The following FBXL13 variants were observed in gnomAD, a reference collection of about 807,000 sequenced individuals.
FBXL13 encodes the protein F-box and leucine-rich repeat protein 13.
FBXL13 carries 67 observed loss-of-function variants against 83.6 expected under a neutral mutation model. The observed-to-expected ratio is 0.80, with a 90% CI of 0.66 to 0.98. The LOEUF (loss-of-function observed/expected upper bound fraction) is 0.98. Ranked by LOEUF, FBXL13 falls within the 50% of genes least tolerant of loss-of-function variation. The probability of loss-of-function intolerance (pLI) is 0.00; values close to 1 mark genes in which losing one functional copy is unlikely to be tolerated. For missense variants in FBXL13, 822 were observed against 866.5 expected, an observed-to-expected ratio of 0.95 and a Z score of 0.64; for synonymous variants, 272 against 299.5, an observed-to-expected ratio of 0.91 and a Z score of 0.95.
intron 1 of FBXL13, among the ~76,000 whole-genome samples, chr7:103,061,772 A>C (rs1440951555): frequency 6.6e-6 from 1 of 152,048 alleles, no homozygotes; most frequent in Non-Finnish European, 1.5e-5. Context: ...CCCCGTCTCT[A>C]CTAAAAATAC....
At chr7:102,971,693 T>C (rs1420062332) in intron 6 of FBXL13, among the ~76,000 whole-genome samples, 2 of 151,524 alleles carry the variant, frequency 1.3e-5, no homozygotes, top group Admixed American at 6.6e-5. Flanking sequence ...AGCCCAAGAA[T>C]TGAAGGCCAG....
chr7:102,941,736 T>C (rs895403520), intron 8 of FBXL13, among the ~76,000 whole-genome samples: 9 of 150,378 alleles, frequency 6.0e-5, no homozygotes, highest in Non-Finnish European at 1.0e-4. Context: ...AAACAAGTTT[T>C]AAAGCTGTCT....
chr7:103,060,570 G>C (rs1797806957), intron 1 of FBXL13, among the ~76,000 whole-genome samples: 1 of 152,098 alleles, frequency 6.6e-6, no homozygotes, highest in Non-Finnish European at 1.5e-5. Flanking sequence ...GGAGAGAACT[G>C]AATAGACCAA....
chr7:103,070,742 G>A (rs1441402968), intron 1 of FBXL13, among the ~76,000 whole-genome samples: 1 of 152,174 alleles, frequency 6.6e-6, no homozygotes. Context: ...GGAAGAGAAG[G>A]AGTAAGAGAA....
intron 18 of FBXL13, among the ~76,000 whole-genome samples, chr7:102,830,880 G>A (rs916875281): frequency 5.3e-5 from 8 of 152,178 alleles, no homozygotes; most frequent in African/African-American, 1.7e-4. Context: ...AGTTTTTCCT[G>A]TTAATTTGTG....
At chr7:102,966,528 T>C (rs1035926181) in intron 7 of FBXL13, among the ~76,000 whole-genome samples, 5 of 152,160 alleles carry the variant, frequency 3.3e-5, no homozygotes, top group African/African-American at 1.2e-4. Context: ...ATTTAGATAA[T>C]GAAATGTCTT....
chr7:102,976,022 G>A (rs2228687), intron 6 of FBXL13: 627,734 of 766,236 alleles, frequency 0.82, 258,950 homozygotes, highest in South Asian at 0.88. Context: ...GTAAACCCAC[G>A]AGGCCATGCC....
chr7:102,958,529 TATAATAATAATAATA>T lies in FBXL13; in HGVS notation c.724+4989_724+5003del, dbSNP rs144163542. 1.1e-3 allele frequency among the ~76,000 whole-genome samples: 165 copies of T among 144,522 alleles called. 1 individual carries two copies. Among genetic ancestry groups the T allele is most frequent in the Middle Eastern group, 3.6e-3 (1 of 276 alleles). 94.8% of individuals were successfully genotyped at this position (144,522 alleles called of 152,430 possible). ...TGCACATGTACCCTAGAACTTAAAGTATAATAATAATAATAATAATAATAATAATAATAATAATAA... is the reference window on the plus strand; with the variant it reads ...TGCACATGTACCCTAGAACTTAAAGTATAATAATAATAATAATAATAATAA... On this transcript the variant is annotated intron_variant, in intron 8 of 19. Coordinates refer to ENST00000313221, the Ensembl canonical transcript of FBXL13.
exon 16 of FBXL13, chr7:102,877,508 A>G: frequency 6.2e-7 from 1 of 1,611,164 alleles, no homozygotes; most frequent in South Asian, 1.1e-5. Context: ...ATTGATACCA[A>G]GGAAAAGATG....
intron 6 of FBXL13, among the ~76,000 whole-genome samples, chr7:103,022,688 G>A (rs1440972856): frequency 6.6e-6 from 1 of 152,098 alleles, no homozygotes; most frequent in Non-Finnish European, 1.5e-5. Flanking sequence ...ATAGATGCAA[G>A]ACTTAAATGT....
chr7:102,874,959 A>G (rs959299117), intron 16 of FBXL13, among the ~76,000 whole-genome samples: 1 of 152,224 alleles, frequency 6.6e-6, no homozygotes, highest in Non-Finnish European at 1.5e-5. Context: ...AATGCTAAAA[A>G]CTAAATAAAG....
At chr7:102,850,013 A>G (rs1177043345) in intron 17 of FBXL13, among the ~76,000 whole-genome samples, 2 of 149,080 alleles carry the variant, frequency 1.3e-5, no homozygotes, top group Admixed American at 6.7e-5. Flanking sequence ...GTTTTTTTAG[A>G]AAAAAAAAAG....
At chr7:102,931,992 T>G (rs868598130) in intron 8 of FBXL13, 59 bp from the exon 10 acceptor site, 2 of 1,520,848 alleles carry the variant, frequency 1.3e-6, no homozygotes, top group South Asian at 2.3e-5. Flanking sequence ...AAACAAAGTT[T>G]TTCTATCTTA....
intron 11 of FBXL13, among the ~76,000 whole-genome samples, chr7:102,911,270 C>T: frequency 6.6e-6 from 1 of 152,088 alleles, no homozygotes; most frequent in Admixed American, 6.6e-5. Context: ...CCTTAGGACA[C>T]TTGTGTATAC....
At chr7:102,869,882 G>A (rs2129456131) in intron 16 of FBXL13, among the ~76,000 whole-genome samples, 1 of 152,292 alleles carries the variant, frequency 6.6e-6, no homozygotes, top group Middle Eastern at 3.4e-3. Flanking sequence ...GCAAAGGTGA[G>A]TACGAGAAAC....
chr7:102,962,963 C>T lies in FBXL13; in HGVS notation c.724+570G>A, dbSNP rs1825490818. ...TAACCTGCACAATGTGCACATGTACCCTAAAACTTAAAGGATAATAAAAAT... is the reference window on the plus strand; with the variant it reads ...TAACCTGCACAATGTGCACATGTACTCTAAAACTTAAAGGATAATAAAAAT... On this transcript the variant is annotated intron_variant, in intron 8 of 19. Transcript: ENST00000313221. 7.9e-5 allele frequency among the ~76,000 whole-genome samples: 11 copies of T among 139,808 alleles called. No individual in the cohort carries two copies. In the South Asian group the frequency reaches 2.5e-3, roughly 32 times the overall value. The allele number at this position is 139,808 out of a possible 152,430, so 91.7% of individuals were successfully genotyped here.
intron 17 of FBXL13, among the ~76,000 whole-genome samples, chr7:102,843,596 G>A (rs1419100188): frequency 1.3e-5 from 2 of 151,934 alleles, no homozygotes; most frequent in African/African-American, 4.8e-5. Flanking sequence ...CCAACGTGGC[G>A]AAACCCCGTC....
At chr7:103,010,723 C>G (rs1454330040) in intron 6 of FBXL13, among the ~76,000 whole-genome samples, 2 of 152,214 alleles carry the variant, frequency 1.3e-5, no homozygotes, top group Non-Finnish European at 2.9e-5. Context: ...TGAGCCCAGA[C>G]AGGCTGGTCC....
chr7:102,814,141 A>G (rs1797673253), intron 19 of FBXL13, among the ~76,000 whole-genome samples: 1 of 152,236 alleles, frequency 6.6e-6, no homozygotes, highest in African/African-American at 2.4e-5. Flanking sequence ...TCAGAAAAAA[A>G]GTAGGTCTAA....
Sources: allele counts gnomAD v4.1 joint callset (sites outside exome capture counted in the v4.1 genomes callset), GRCh38; gene constraint gnomAD v4.1.1; transcripts MANE v1.5; gene names NCBI Gene and HGNC (gene_info 2026-07-23, HGNC 2026-07-21).